The following CSRP1 variants were observed in gnomAD, a reference collection of about 807,000 sequenced individuals.
The protein encoded by CSRP1 is cysteine and glycine-rich protein 1.
Under a neutral mutation model 25.4 loss-of-function variants are expected in CSRP1, and 16 were observed. The observed-to-expected ratio is 0.63, with a 90% confidence interval of 0.43 to 0.96. The LOEUF is 0.96. CSRP1 is among the 40% of genes least tolerant of loss of function. The pLI is 0.00. For synonymous variants in CSRP1, 97 were observed against 95.3 expected (o/e 1.02, Z -0.10); for missense variants, 212 against 243.6 (o/e 0.87, Z 0.86).
In CSRP1 at chr1:201,484,293, C is replaced by A. The variant is rs1664063237; in HGVS notation, c.*420G>T. 1 of 509,974 alleles carries A rather than the reference C, an allele frequency of 2.0e-6. No homozygotes were observed. Among genetic ancestry groups the A allele is most frequent in the African/African-American group, 1.9e-5 (1 of 53,046 alleles). The allele number at this position is 509,974 out of a possible 1,614,324, so 31.6% of individuals were successfully genotyped here. A position where few individuals can be genotyped will look rare whatever the true frequency, so the allele number is the denominator to read the frequency against. ...TCTGAGATCCAAAAAACCCAGCCTT[C>A]CCCCCTCCTCATCTTGGTCTTGCTT... On this transcript the variant is annotated 3_prime_UTR_variant, in exon 6 of 6. Transcript: ENST00000340006.
At chr1:201,490,133 G>A (rs200162420) in intron 3 of CSRP1, 43 bp downstream of exon 3, 16 of 1,585,206 alleles carry the variant, frequency 1.0e-5, no homozygotes, top group East Asian at 9.0e-5. Flanking sequence ...CAGGGTGGGG[G>A]AGAGAGCTCA....
Position 201,484,703 on chromosome 1 carries a change from G to A in CSRP1, c.*10C>T, listed in dbSNP as rs369737105. On this transcript the variant is annotated 3_prime_UTR_variant, in exon 6 of 6. Transcript: ENST00000340006. ...CAGGAGTGGGCAGGGTGTGGTGGGTGATGGTGGCCTCACTCAGAGTGGACC... is the reference window on the plus strand; with the variant it reads ...CAGGAGTGGGCAGGGTGTGGTGGGTAATGGTGGCCTCACTCAGAGTGGACC... 3.7e-6 allele frequency: 6 copies of A among 1,608,428 alleles called. No homozygotes were observed. Among genetic ancestry groups the A allele is most frequent in the African/African-American group, 1.3e-5 (1 of 74,892 alleles).
intron 1 of CSRP1, among the ~76,000 whole-genome samples, chr1:201,502,211 C>G (rs1664693251): frequency 1.3e-5 from 2 of 152,106 alleles, no homozygotes; most frequent in Admixed American, 1.3e-4. Flanking sequence ...TTCCCTAGGG[C>G]CAAAGAGTGA....
chr1:201,501,506 G>A (rs1336127894), intron 1 of CSRP1, among the ~76,000 whole-genome samples: 2 of 152,144 alleles, frequency 1.3e-5, no homozygotes. Context: ...AACGGCTGGC[G>A]GCTAGAAGCC....
rs568830841 is a variant in CSRP1, at chr1:201,490,109, C to T, written c.281+67G>A. On this transcript the variant is annotated intron_variant, in intron 3 of 5. Coordinates refer to ENST00000340006, the MANE Select transcript of CSRP1 (RefSeq NM_004078.3). ...TTACCCAAAAATGGTTGTAAATACACATGAGGCCTAATACAGGGTGGGGGA... is the reference window on the plus strand; with the variant it reads ...TTACCCAAAAATGGTTGTAAATACATATGAGGCCTAATACAGGGTGGGGGA... The T allele has an allele frequency of 4.6e-5, 69 of 1,504,402 alleles. 1 individual carries two copies. The highest frequency in any genetic ancestry group is 5.9e-5 in the Non-Finnish European group (65 of 1,109,756). 93.2% of individuals were successfully genotyped at this position (1,504,402 alleles called of 1,614,324 possible). A position where few individuals can be genotyped will look rare whatever the true frequency, so the allele number is the denominator to read the frequency against.
chr1:201,489,010 G>A (rs1368824054), intron 3 of CSRP1, 26 bp from the exon 4 acceptor site: 2 of 1,612,466 alleles, frequency 1.2e-6, no homozygotes, highest in East Asian at 2.2e-5. Context: ...CATGGGGTGA[G>A]GTGACTTACA....
At position 201,484,227 on chromosome 1, in the gene CSRP1, G is replaced by A; in HGVS notation, c.*486C>T. On this transcript the variant is annotated 3_prime_UTR_variant, in exon 6 of 6. Transcript: ENST00000340006. ...TGGGACTCCTCAGGCTTACTCTGAG[G>A]GACACCAGGAAGCTCAACCTCTTTC... 1 of 512,636 alleles carries A rather than the reference G, an allele frequency of 2.0e-6. No homozygotes were observed. The highest frequency in any genetic ancestry group is 3.5e-6 in the Non-Finnish European group (1 of 285,242). The allele number at this position is 512,636 out of a possible 1,614,324, so 31.8% of individuals were successfully genotyped here. A position where few individuals can be genotyped will look rare whatever the true frequency, so the allele number is the denominator to read the frequency against.
chr1:201,488,046 A>C (rs1664201598), intron 4 of CSRP1: 1 of 152,218 alleles, frequency 6.6e-6, no homozygotes, highest in African/African-American at 2.4e-5. Context: ...ATCTTGGCCA[A>C]GTCACTTTTC....
At chr1:201,492,724 A>G (rs540506668) in intron 2 of CSRP1, 13 of 152,290 alleles carry the variant, frequency 8.5e-5, no homozygotes, top group Non-Finnish European at 1.9e-4. Flanking sequence ...GAGGCCCACA[A>G]AACAGTTCCA....
chr1:201,505,298 C>G (rs757420794), intron 1 of CSRP1, among the ~76,000 whole-genome samples: 1 of 152,186 alleles, frequency 6.6e-6, no homozygotes, highest in Non-Finnish European at 1.5e-5. Context: ...AGTGTCACTA[C>G]ACTCCCAGGC....
At chr1:201,490,067 T>C (rs777126369) in intron 3 of CSRP1, 109 bp downstream of exon 3, 4 of 1,135,778 alleles carry the variant, frequency 3.5e-6, no homozygotes, top group South Asian at 1.6e-5. Context: ...TAACTGGTTT[T>C]CTGAGCCTTC....
At chr1:201,495,559 G>A (rs888831464) in intron 2 of CSRP1, 2 of 152,218 alleles carry the variant, frequency 1.3e-5, no homozygotes, top group Admixed American at 6.5e-5. Flanking sequence ...CAGGATCCCT[G>A]GGTCGACCTG....
chr1:201,500,810 C>T (rs770309428), intron 1 of CSRP1, among the ~76,000 whole-genome samples: 5 of 152,190 alleles, frequency 3.3e-5, no homozygotes, highest in Non-Finnish European at 5.9e-5. Flanking sequence ...GTAGGGAGGC[C>T]GAATTGCCTT....
Position 201,488,985 on chromosome 1 carries a change from C to G in CSRP1, c.282-1G>C, listed in dbSNP as rs113021359. ...GGTGGTGGGCCTGTGGCCAGGGGCT[C>G]TGCATGGAGAAGGGCATGGGGTGAG... is the stretch of plus-strand genomic sequence containing the variant. On this transcript the variant is annotated splice_acceptor_variant, in intron 3 of 5. Coordinates refer to ENST00000340006, the MANE Select transcript of CSRP1 (RefSeq NM_004078.3). LOFTEE classifies it high-confidence loss of function. 1 of 1,613,760 alleles carries G rather than the reference C, an allele frequency of 6.2e-7. No individual in the cohort carries two copies.
At position 201,484,569 on chromosome 1, in the gene CSRP1, G is replaced by A; in HGVS notation, c.*144C>T. The stretch of plus-strand genomic sequence containing the variant: ...ACCTCAGGCAGACCCCCAAACCAAA[G>A]GGAGCCAGATGCCCAAGTTCAAGTC... On this transcript the variant is annotated 3_prime_UTR_variant, in exon 6 of 6. Coordinates refer to ENST00000340006, the MANE Select transcript of CSRP1 (RefSeq NM_004078.3). The A allele has an allele frequency of 1.3e-6, 1 of 798,084 alleles. No individual in the cohort carries two copies. The highest frequency in any genetic ancestry group is 2.6e-5 in the Admixed American group (1 of 37,794). 49.4% of individuals were successfully genotyped at this position (798,084 alleles called of 1,614,324 possible). A position where few individuals can be genotyped will look rare whatever the true frequency, so the allele number is the denominator to read the frequency against.
intron 1 of CSRP1, among the ~76,000 whole-genome samples, chr1:201,499,935 T>G (rs1391039717): frequency 6.6e-6 from 1 of 152,150 alleles, no homozygotes; most frequent in Non-Finnish European, 1.5e-5. Context: ...TCATCTCATT[T>G]CATCCTCATC....
chr1:201,489,858 A>G (rs551633695), intron 3 of CSRP1: 18 of 224,974 alleles, frequency 8.0e-5, no homozygotes, highest in African/African-American at 3.8e-4. Context: ...TGACAGAGCA[A>G]GACTCCCTTT....
chr1:201,495,094 C>T (rs1321947358), intron 2 of CSRP1, among the ~76,000 whole-genome samples: 4 of 152,184 alleles, frequency 2.6e-5, no homozygotes, highest in African/African-American at 9.7e-5. Flanking sequence ...ATTCTGCCTA[C>T]CATCATGGGG....
At position 201,499,330 on chromosome 1, in the gene CSRP1, C is replaced by T. The variant is rs554652606; in HGVS notation, c.-1-3026G>A. Among the ~76,000 whole-genome samples the T allele has an allele frequency of 1.4e-4, 21 of 152,322 alleles. 1 individual carries two copies. The highest frequency in any genetic ancestry group is 6.8e-3 in the Middle Eastern group (2 of 294). ...AATGACTGGGGAGATGCCCCTTCCC[C>T]AGATGGAGGAACAGAGCCTCTGTCC... is the stretch of plus-strand genomic sequence containing the variant. On this transcript the variant is annotated intron_variant, in intron 1 of 5. Coordinates refer to ENST00000340006, the MANE Select transcript of CSRP1 (RefSeq NM_004078.3).
Sources: allele counts gnomAD v4.1 joint callset (sites outside exome capture counted in the v4.1 genomes callset), GRCh38; gene constraint gnomAD v4.1.1; transcripts MANE v1.5; gene names NCBI Gene and HGNC (gene_info 2026-07-23, HGNC 2026-07-21).